RNF38: variants seen among roughly 807,000 people sequenced by gnomAD.
RNF38 encodes the protein E3 ubiquitin-protein ligase RNF38.
RNF38 carries 15 observed loss-of-function variants against 67.2 expected under a neutral mutation model. The observed-to-expected ratio is 0.22, with a 90% CI of 0.15 to 0.34. The LOEUF (loss-of-function observed/expected upper bound fraction) is 0.34, where lower values mean the gene tolerates loss of function less well. RNF38 is among the 10% of genes least tolerant of loss of function. The pLI is 1.00. For synonymous variants in RNF38, 220 were observed against 218.8 expected (o/e 1.01, Z -0.05); for missense variants, 524 against 639.9 (o/e 0.82, Z 1.95).
chr9:36,445,906 CCT>C (rs1169439011), intron 1 of RNF38, among the ~76,000 whole-genome samples: 1 of 152,182 alleles, frequency 6.6e-6, no homozygotes, highest in Non-Finnish European at 1.5e-5. Context: ...AACGATTCCC[CCT>C]GATGTGGAAC....
chr9:36,423,941 T>C (rs1235971711), intron 2 of RNF38, among the ~76,000 whole-genome samples: 1 of 14,810 alleles, frequency 6.8e-5, no homozygotes, highest in Non-Finnish European at 1.5e-4. Context: ...AGAGCGAGAC[T>C]CCGTCTCAAA....
intron 2 of RNF38, among the ~76,000 whole-genome samples, chr9:36,420,477 AACTG>A (rs1473523845): frequency 3.2e-4 from 46 of 141,896 alleles, no homozygotes; most frequent in South Asian, 6.9e-4. Flanking sequence ...GCTTGCAGTG[AACTG>A]AGATCGCGCC....
rs1213319323 is a variant in RNF38 at position 36,432,311 on chromosome 9, T to G, written n.242-7628A>C. ...CATTATGCCTGGCTAATTTTTGTATTTTTAGTGGAAACGGGGTTTCACTGT... is the reference window on the plus strand; with the variant it reads ...CATTATGCCTGGCTAATTTTTGTATGTTTAGTGGAAACGGGGTTTCACTGT... On this transcript the variant is annotated intron_variant and non_coding_transcript_variant, in intron 1 of 3. Transcript: ENST00000488058. Among the ~76,000 whole-genome samples the G allele has an allele frequency of 2.6e-5, 4 of 152,084 alleles. No individual in the cohort carries two copies. In the South Asian group the frequency reaches 8.3e-4, roughly 32 times the overall value.
At chr9:36,393,477 TTGTGTGTGTG>T (rs58913703) in intron 1 of RNF38, among the ~76,000 whole-genome samples, 1,105 of 87,786 alleles carry the variant, frequency 0.013, 17 homozygotes, top group African/African-American at 0.037. Flanking sequence ...CACACACACA[TTGTGTGTGTG>T]TGTGTGTGTG....
intron 1 of RNF38, among the ~76,000 whole-genome samples, chr9:36,435,593 C>A (rs913602851): frequency 6.6e-6 from 1 of 150,914 alleles, no homozygotes. Flanking sequence ...TTCAAAGACA[C>A]TGAACGTGCC....
At chr9:36,360,085 C>T (rs950136164) in intron 4 of RNF38, among the ~76,000 whole-genome samples, 5 of 151,916 alleles carry the variant, frequency 3.3e-5, no homozygotes, top group African/African-American at 9.7e-5. Flanking sequence ...TATGCCATTA[C>T]GTTGAATATC....
At chr9:36,389,494 C>A (rs925236566) in intron 2 of RNF38, among the ~76,000 whole-genome samples, 11 of 152,196 alleles carry the variant, frequency 7.2e-5, no homozygotes, top group Non-Finnish European at 1.3e-4. Flanking sequence ...AGACACCTCA[C>A]TGAGCTTTTC....
intron 4 of RNF38, among the ~76,000 whole-genome samples, chr9:36,360,088 T>C (rs1471053988): frequency 6.6e-6 from 1 of 152,100 alleles, no homozygotes; most frequent in African/African-American, 2.4e-5. Context: ...GCCATTACGT[T>C]GAATATCACG....
rs1468067940 is a variant in RNF38 at position 36,362,911 on chromosome 9, C to T, written c.571-4969G>A. Among the ~76,000 whole-genome samples the T allele has an allele frequency of 2.8e-5, 3 of 106,932 alleles. 1 individual carries two copies. The highest frequency in any genetic ancestry group is 7.2e-5 in the Non-Finnish European group (3 of 41,720). The allele number at this position is 106,932 out of a possible 152,430, so 70.2% of individuals were successfully genotyped here. On this transcript the variant is annotated intron_variant, in intron 4 of 11. Transcript: ENST00000259605. Reference sequence around the variant, plus strand: ...CCTCCCAAAGTGCTGGGATTACAAGCGTGAGGCACCACACCCGGCCCTAAT... The same window carrying T: ...CCTCCCAAAGTGCTGGGATTACAAGTGTGAGGCACCACACCCGGCCCTAAT...
rs1403092778 is a variant in RNF38, at chr9:36,423,715, C to T, written n.312+898G>A. Among the ~76,000 whole-genome samples, 8 of 25,872 alleles carry T rather than the reference C, an allele frequency of 3.1e-4. 3 individuals are homozygous for T. In the East Asian group the frequency reaches 3.3e-3, roughly 11 times the overall value. The allele number at this position is 25,872 out of a possible 152,430, so 17.0% of individuals were successfully genotyped here. A position where few individuals can be genotyped will look rare whatever the true frequency, so the allele number is the denominator to read the frequency against. ...CTGTAATCCCAGCACTTTGGGAGGCCGAGGCGGGCGGATCACGAGGTCAGG... is the reference window on the plus strand; with the variant it reads ...CTGTAATCCCAGCACTTTGGGAGGCTGAGGCGGGCGGATCACGAGGTCAGG... On this transcript the variant is annotated intron_variant and non_coding_transcript_variant, in intron 2 of 3. Transcript: ENST00000488058.
rs147993821 is a variant in RNF38 at position 36,420,260 on chromosome 9, C to T, written n.312+4353G>A. On this transcript the variant is annotated intron_variant and non_coding_transcript_variant, in intron 2 of 3. Transcript: ENST00000488058. Reference sequence around the variant, plus strand: ...TAAAAGGACAACCTTCGGCCGGGCACGGTGGCTCACGCCTGTAATCCTAGC... The same window carrying T: ...TAAAAGGACAACCTTCGGCCGGGCATGGTGGCTCACGCCTGTAATCCTAGC... Among the ~76,000 whole-genome samples the T allele has an allele frequency of 3.2e-3, 482 of 152,046 alleles. 2 individuals carry two copies. Among genetic ancestry groups the T allele is most frequent in the Middle Eastern group, 0.01 (3 of 294 alleles).
rs184743308 is a variant in RNF38 at position 36,337,122 on chromosome 9, C to T, written c.*2630G>A. 3 of 152,338 alleles carry T rather than the reference C, an allele frequency of 2.0e-5. No homozygotes were observed. The East Asian group carries it at 5.8e-4, about 29-fold the overall frequency. 9.4% of individuals were successfully genotyped at this position (152,338 alleles called of 1,614,324 possible). On this transcript the variant is annotated 3_prime_UTR_variant, in exon 12 of 12. Transcript: ENST00000259605. ...CGAAGGCCAATGAACCAACATCTGC[C>T]TGCTATCTGGTGCATCACCCAAGGT...
rs1832675333 is a variant in RNF38 at position 36,339,305 on chromosome 9, C to T, written c.*447G>A. The T allele has an allele frequency of 6.0e-6, 1 of 166,976 alleles. No individual in the cohort carries two copies. The highest frequency in any genetic ancestry group is 2.4e-5 in the African/African-American group (1 of 41,922). The allele number at this position is 166,976 out of a possible 1,614,324, so 10.3% of individuals were successfully genotyped here. ...GCCCTCACACAAGTAGTTGCACACA[C>T]TCACACAGATACACTTATCACCAAC... On this transcript the variant is annotated 3_prime_UTR_variant, in exon 12 of 12. Coordinates refer to ENST00000259605, the MANE Select transcript of RNF38 (RefSeq NM_022781.5).
At chr9:36,400,933 C>T (rs1234043127), upstream of RNF38, 6 of 984,968 alleles carry the variant, frequency 6.1e-6, no homozygotes, top group Admixed American at 6.2e-5. Context: ...CACCCCGCCT[C>T]ACCCCGCCTC....
upstream of RNF38, chr9:36,400,481 G>A: frequency 3.0e-6 from 3 of 1,013,894 alleles, no homozygotes; most frequent in Non-Finnish European, 3.5e-6. Context: ...CTCGGGCGCG[G>A]CCCCGCAGGC....
upstream of RNF38, among the ~76,000 whole-genome samples, chr9:36,401,644 CACGAT>C (rs1195824412): frequency 6.6e-6 from 1 of 151,994 alleles, no homozygotes; most frequent in Non-Finnish European, 1.5e-5. Context: ...TCCTGATAAT[CACGAT>C]ACAAGAGAGA....
chr9:36,420,131 T>C (rs1838580632), intron 2 of RNF38, among the ~76,000 whole-genome samples: 1 of 152,218 alleles, frequency 6.6e-6, no homozygotes, highest in Non-Finnish European at 1.5e-5. Flanking sequence ...CCCAGTGTAC[T>C]GCTGTGTGAT....
chr9:36,365,164 A>C (rs1039959399), intron 4 of RNF38, among the ~76,000 whole-genome samples: 4 of 152,148 alleles, frequency 2.6e-5, no homozygotes, highest in African/African-American at 9.7e-5. Context: ...TACACCAAAA[A>C]TCTACTGAAA....
At chr9:36,405,127 C>G (rs565430723), upstream of RNF38, among the ~76,000 whole-genome samples, 6 of 152,058 alleles carry the variant, frequency 3.9e-5, no homozygotes, top group African/African-American at 1.4e-4. Flanking sequence ...ATTAGCCAGG[C>G]ATGGTGGCAC....
Sources: gnomAD v4.1 joint callset for allele counts (sites outside exome capture counted in the v4.1 genomes callset) on GRCh38, gnomAD v4.1.1 for gene constraint, MANE v1.5 for transcripts, NCBI Gene and HGNC (gene_info 2026-07-23, HGNC 2026-07-21) for gene names.